DLGAP1: variants seen among roughly 807,000 people sequenced by gnomAD.
DLGAP1 encodes the protein disks large-associated protein 1.
A neutral mutation model predicts 90.8 loss-of-function variants in DLGAP1; 11 were observed. That is an observed-to-expected ratio of 0.12 (90% CI 0.08 to 0.20). DLGAP1 has a LOEUF of 0.20. DLGAP1 is among the 10% of genes least tolerant of loss of function. The pLI, the probability that DLGAP1 is intolerant of heterozygous loss-of-function variation, is 1.00. For synonymous variants in DLGAP1, 558 were observed against 540.7 expected (o/e 1.03, Z -0.44); for missense variants, 1,050 against 1,333.8 (o/e 0.79, Z 3.31).
At chr18:4,398,622 A>G (rs2082487455) in intron 1 of DLGAP1, among the ~76,000 whole-genome samples, 1 of 152,226 alleles carries the variant, frequency 6.6e-6, no homozygotes, top group East Asian at 1.9e-4. Flanking sequence ...TGCTGCTATG[A>G]AAAGATAAAT....
intron 1 of DLGAP1, among the ~76,000 whole-genome samples, chr18:4,327,200 C>T (rs2080840740): frequency 6.6e-6 from 1 of 151,998 alleles, no homozygotes; most frequent in Non-Finnish European, 1.5e-5. Flanking sequence ...CAACTGCTAA[C>T]ATGGTAGATT....
At chr18:4,163,774 A>G (rs1036716100) in intron 1 of DLGAP1, among the ~76,000 whole-genome samples, 13 of 152,300 alleles carry the variant, frequency 8.5e-5, no homozygotes, top group Non-Finnish European at 1.9e-4. Flanking sequence ...ATGCCGTGAG[A>G]GAGTTACATT....
At chr18:4,059,537 C>A (rs2075270037) in intron 2 of DLGAP1, among the ~76,000 whole-genome samples, 1 of 152,124 alleles carries the variant, frequency 6.6e-6, no homozygotes, top group South Asian at 2.1e-4. Flanking sequence ...CATGGAGAAA[C>A]CCTGTCTCTA....
In DLGAP1 at chr18:3,779,794, CT is replaced by C. The variant is rs1370282007; in HGVS notation, c.1172+34264del. Among the ~76,000 whole-genome samples the C allele has an allele frequency of 1.8e-3, 239 of 129,948 alleles. 1 individual carries two copies. The highest frequency in any genetic ancestry group is 4.1e-3 in the Middle Eastern group (1 of 246). The allele number at this position is 129,948 out of a possible 152,430, so 85.3% of individuals were successfully genotyped here. ...TTTTTTTTTACTCTTTCTTTCTTTT[CT>C]TTTTTTTTTTGAGAGAGGGAGTGTT... is the stretch of plus-strand genomic sequence containing the variant. On this transcript the variant is annotated intron_variant, in intron 5 of 12. Transcript: ENST00000315677.
At chr18:3,535,670 T>C (rs1313835892) in intron 9 of DLGAP1, among the ~76,000 whole-genome samples, 1 of 148,602 alleles carries the variant, frequency 6.7e-6, no homozygotes, top group African/African-American at 2.5e-5. Flanking sequence ...ATCGCACCAC[T>C]GCACTCTAGC....
At chr18:4,366,846 C>T (rs1247985201) in intron 1 of DLGAP1, among the ~76,000 whole-genome samples, 1 of 151,604 alleles carries the variant, frequency 6.6e-6, no homozygotes, top group African/African-American at 2.4e-5. Flanking sequence ...TCCAAAAAAT[C>T]AAGATTGTTT....
chr18:4,136,191 T>G (rs185618662), intron 2 of DLGAP1, among the ~76,000 whole-genome samples: 95 of 152,280 alleles, frequency 6.2e-4, no homozygotes, highest in Non-Finnish European at 3.4e-4. Context: ...TTGTGAGTAG[T>G]GCTGCAAAAA....
At chr18:3,902,246 C>T (rs981192842) in intron 3 of DLGAP1, among the ~76,000 whole-genome samples, 7 of 152,120 alleles carry the variant, frequency 4.6e-5, no homozygotes, top group Non-Finnish European at 5.9e-5. Flanking sequence ...GAGTAACTTG[C>T]TTTGTTTTCC....
intron 1 of DLGAP1, among the ~76,000 whole-genome samples, chr18:4,228,388 GA>G (rs1226290378): frequency 6.6e-6 from 1 of 151,774 alleles, no homozygotes; most frequent in African/African-American, 2.4e-5. Context: ...GACACATCAA[GA>G]AAAAGAAAAC....
At chr18:3,975,611 G>A (rs1355272252) in intron 3 of DLGAP1, among the ~76,000 whole-genome samples, 3 of 152,128 alleles carry the variant, frequency 2.0e-5, no homozygotes, top group Admixed American at 2.0e-4. Context: ...GACTCAAACA[G>A]ATATTGGTAC....
At chr18:4,163,490 A>G (rs2144525572) in intron 1 of DLGAP1, among the ~76,000 whole-genome samples, 1 of 152,338 alleles carries the variant, frequency 6.6e-6, no homozygotes, top group East Asian at 1.9e-4. Context: ...AGAGTGCCCA[A>G]ATAATGCAGT....
At chr18:3,751,799 G>A (rs2063505094) in intron 5 of DLGAP1, among the ~76,000 whole-genome samples, 1 of 149,100 alleles carries the variant, frequency 6.7e-6, no homozygotes, top group Non-Finnish European at 1.5e-5. Flanking sequence ...TCCTGACCTC[G>A]TGATCTGCCT....
At chr18:3,936,853 GAGA>G (rs982485155) in intron 3 of DLGAP1, among the ~76,000 whole-genome samples, 1 of 152,188 alleles carries the variant, frequency 6.6e-6, no homozygotes, top group Admixed American at 6.5e-5. Flanking sequence ...AACCATCACT[GAGA>G]AGCTCTAATC....
At chr18:4,401,106 T>C (rs1391263675) in intron 1 of DLGAP1, among the ~76,000 whole-genome samples, 2 of 152,208 alleles carry the variant, frequency 1.3e-5, no homozygotes, top group African/African-American at 2.4e-5. Context: ...AGTGACACAC[T>C]ATTACTAATG....
chr18:3,677,867 C>T (rs1038557137), intron 7 of DLGAP1, among the ~76,000 whole-genome samples: 3 of 151,964 alleles, frequency 2.0e-5, no homozygotes, highest in Admixed American at 1.3e-4. Context: ...CCATGTTGGC[C>T]AGGCTGGTCT....
intron 4 of DLGAP1, among the ~76,000 whole-genome samples, chr18:3,851,404 C>T (rs1349916180): frequency 6.6e-6 from 1 of 152,136 alleles, no homozygotes; most frequent in African/African-American, 2.4e-5. Context: ...GGTTCTGAGT[C>T]AGATGATGTG....
intron 1 of DLGAP1, among the ~76,000 whole-genome samples, chr18:4,353,893 C>T (rs901768348): frequency 1.9e-4 from 29 of 152,044 alleles, no homozygotes; most frequent in Admixed American, 3.9e-4. Context: ...AACATAAGAA[C>T]TCAAATTTAT....
At chr18:3,899,310 T>A (rs544480733) in intron 3 of DLGAP1, among the ~76,000 whole-genome samples, 10 of 152,298 alleles carry the variant, frequency 6.6e-5, no homozygotes, top group Middle Eastern at 6.8e-3. Flanking sequence ...TCCACTGAAG[T>A]ATGGTTATAA....
chr18:3,538,398 G>GA (rs569111464), intron 9 of DLGAP1, among the ~76,000 whole-genome samples: 4,095 of 147,110 alleles, frequency 0.028, 89 homozygotes, highest in Non-Finnish European at 0.048. Flanking sequence ...GAAAGAAAAA[G>GA]AAAAAAAAAA....
Sources: allele counts gnomAD v4.1 joint callset (sites outside exome capture counted in the v4.1 genomes callset), GRCh38; gene constraint gnomAD v4.1.1; transcripts MANE v1.5; gene names NCBI Gene and HGNC (gene_info 2026-07-23, HGNC 2026-07-21).